PKIG: variants seen among roughly 807,000 people sequenced by gnomAD.
PKIG encodes cAMP-dependent protein kinase inhibitor gamma.
Under a neutral mutation model 6.8 loss-of-function variants are expected in PKIG, and 1 was observed. That is an observed-to-expected ratio of 0.15 (90% CI 0.05 to 0.69). The LOEUF (loss-of-function observed/expected upper bound fraction) is 0.69, where lower values mean the gene tolerates loss of function less well. Among genes scored for constraint, PKIG ranks in the 30% least tolerant of loss-of-function variants. The probability of loss-of-function intolerance (pLI) is 0.82; values close to 1 mark genes in which losing one functional copy is unlikely to be tolerated. For synonymous variants in PKIG, 39 were observed against 43.0 expected, an observed-to-expected ratio of 0.91 and a Z score of 0.36; for missense variants, 77 against 104.0, an observed-to-expected ratio of 0.74 and a Z score of 1.13.
intron 2 of PKIG, among the ~76,000 whole-genome samples, chr20:44,591,318 A>C (rs1274834517): frequency 6.6e-6 from 1 of 152,104 alleles, no homozygotes; most frequent in Non-Finnish European, 1.5e-5. Context: ...GGTGTCCATG[A>C]ATGAATCTGA....
At chr20:44,567,647 C>T (rs965483604) in intron 1 of PKIG, among the ~76,000 whole-genome samples, 13 of 152,188 alleles carry the variant, frequency 8.5e-5, no homozygotes, top group Non-Finnish European at 1.9e-4. Flanking sequence ...TTTCTAGCTA[C>T]TCCTCATTGA....
chr20:44,605,952 A>G (rs1347174154), intron 2 of PKIG, among the ~76,000 whole-genome samples: 4 of 152,200 alleles, frequency 2.6e-5, no homozygotes, highest in African/African-American at 9.7e-5. Context: ...TTCTTTACTA[A>G]TCTTAGAGTG....
intron 1 of PKIG, among the ~76,000 whole-genome samples, chr20:44,550,591 G>C (rs1346405201): frequency 1.3e-5 from 2 of 152,158 alleles, no homozygotes; most frequent in African/African-American, 4.8e-5. Flanking sequence ...TGTTGTCATG[G>C]TGGAGAAGGA....
upstream of PKIG, among the ~76,000 whole-genome samples, chr20:44,577,826 G>C (rs993104603): frequency 6.6e-6 from 1 of 152,102 alleles, no homozygotes; most frequent in Admixed American, 6.5e-5. Flanking sequence ...ACAGATATCC[G>C]TCAGTTGCTA....
rs55947972 is a variant in PKIG at position 44,593,364 on chromosome 20, AACACACACACAC to A, written c.-24+3535_-24+3546del. ...AAAAAATTATAATGCTATAATAATC[AACACACACACAC>A]ACACACACACACACACACACACACA... is the stretch of plus-strand genomic sequence containing the variant. On this transcript the variant is annotated intron_variant, in intron 2 of 3. Transcript: ENST00000372886. Among the ~76,000 whole-genome samples the A allele has an allele frequency of 6.1e-3, 806 of 132,544 alleles. 5 individuals carry two copies. Among genetic ancestry groups the A allele is most frequent in the African/African-American group, 0.017 (587 of 35,114 alleles). 87.0% of individuals were successfully genotyped at this position (132,544 alleles called of 152,430 possible).
intron 2 of PKIG, among the ~76,000 whole-genome samples, chr20:44,613,970 C>T (rs186340320): frequency 1.2e-4 from 18 of 152,274 alleles, no homozygotes; most frequent in Non-Finnish European, 2.2e-4. Flanking sequence ...TCCCTCAGAG[C>T]CTTCACACAT....
intron 1 of PKIG, among the ~76,000 whole-genome samples, chr20:44,547,728 G>A (rs1262404155): frequency 5.3e-5 from 8 of 152,178 alleles, no homozygotes; most frequent in Non-Finnish European, 1.0e-4. Flanking sequence ...AATGGGAATA[G>A]TAATAACATC....
intron 1 of PKIG, among the ~76,000 whole-genome samples, chr20:44,537,126 T>C (rs1173606266): frequency 6.6e-6 from 1 of 151,854 alleles, no homozygotes; most frequent in African/African-American, 2.4e-5. Context: ...TTTTTTGAGA[T>C]GGAGTTTCAC....
In PKIG at chr20:44,614,746, A is replaced by G. The variant is rs1195300935; in HGVS notation, c.151+39A>G. 2 of 1,608,708 alleles carry G rather than the reference A, an allele frequency of 1.2e-6. No individual in the cohort carries two copies. Among genetic ancestry groups the G allele is most frequent in the East Asian group, 4.5e-5 (2 of 44,868 alleles). On this transcript the variant is annotated intron_variant, in intron 3 of 3. Transcript: ENST00000372886. This position sits in a 1 kb window ranked among gnomAD's most constrained non-coding sequence, Gnocchi z 4.6. ...GGTCCTTGGCACTACTGCATGCCAGAGGCCCTCTGCCGGGCCCCGGGCTAG... is the reference window on the plus strand; with the variant it reads ...GGTCCTTGGCACTACTGCATGCCAGGGGCCCTCTGCCGGGCCCCGGGCTAG...
At chr20:44,593,614 A>G (rs2065052412) in intron 2 of PKIG, among the ~76,000 whole-genome samples, 1 of 152,160 alleles carries the variant, frequency 6.6e-6, no homozygotes, top group Admixed American at 6.5e-5. Flanking sequence ...TTGTTGGGGA[A>G]ATGGAGAGAT....
intron 3 of PKIG, among the ~76,000 whole-genome samples, chr20:44,616,871 G>C (rs552985725): frequency 1.3e-5 from 2 of 152,186 alleles, no homozygotes; most frequent in Non-Finnish European, 2.9e-5. Flanking sequence ...TCCAGGCAGC[G>C]GGCTCGGAAT....
intron 3 of PKIG, among the ~76,000 whole-genome samples, chr20:44,615,821 C>T (rs1006472288): frequency 6.6e-6 from 1 of 152,126 alleles, no homozygotes; most frequent in Non-Finnish European, 1.5e-5. Flanking sequence ...CCAGCCCTCT[C>T]ATGTTACAGA....
intron 2 of PKIG, among the ~76,000 whole-genome samples, chr20:44,594,950 A>G (rs2065062743): frequency 6.6e-6 from 1 of 152,168 alleles, no homozygotes; most frequent in Admixed American, 6.5e-5. Context: ...CAAGCCACCC[A>G]TCTTGTGACC....
intron 1 of PKIG, among the ~76,000 whole-genome samples, chr20:44,538,932 T>C (rs2064536170): frequency 6.6e-6 from 1 of 151,982 alleles, no homozygotes; most frequent in Non-Finnish European, 1.5e-5. Flanking sequence ...TTTTTTTTTT[T>C]CTTTCTTTTT....
chr20:44,606,078 C>A (rs1185424137), intron 2 of PKIG, among the ~76,000 whole-genome samples: 1 of 152,036 alleles, frequency 6.6e-6, no homozygotes, highest in East Asian at 1.9e-4. Flanking sequence ...AAAATAAAGT[C>A]AAAGTACAAA....
chr20:44,540,388 T>C (rs560164932), intron 1 of PKIG, among the ~76,000 whole-genome samples: 6 of 152,342 alleles, frequency 3.9e-5, no homozygotes, highest in Admixed American at 3.9e-4. Context: ...AATTATGCAA[T>C]ATATTGATTC....
intron 1 of PKIG, among the ~76,000 whole-genome samples, chr20:44,548,761 A>G (rs951993794): frequency 6.6e-6 from 1 of 152,026 alleles, no homozygotes; most frequent in African/African-American, 2.4e-5. Flanking sequence ...TTAGAAAATC[A>G]GTTTTCTTTT....
intron 2 of PKIG, among the ~76,000 whole-genome samples, chr20:44,605,829 T>C (rs1197246076): frequency 6.6e-6 from 1 of 151,960 alleles, no homozygotes; most frequent in Non-Finnish European, 1.5e-5. Flanking sequence ...GGAGGATCTC[T>C]TGAGCCCAGG....
At chr20:44,587,195 G>C (rs1358562698) in intron 1 of PKIG, among the ~76,000 whole-genome samples, 2 of 152,222 alleles carry the variant, frequency 1.3e-5, no homozygotes, top group Non-Finnish European at 2.9e-5. Context: ...AGACAGAGGA[G>C]TGAATAATTT....
Sources: gnomAD v4.1 joint callset for allele counts (sites outside exome capture counted in the v4.1 genomes callset) on GRCh38, gnomAD v4.1.1 for gene constraint, Gnocchi (gnomAD v3.1) non-coding constraint, MANE v1.5 for transcripts, NCBI Gene and HGNC (gene_info 2026-07-23, HGNC 2026-07-21) for gene names.